Variants in STK31 observed in about 807,000 individuals in gnomAD.
STK31 encodes serine/threonine-protein kinase 31.
STK31 carries 89 observed loss-of-function variants against 129.7 expected under a neutral mutation model. That is an observed-to-expected ratio of 0.69 (90% confidence interval 0.58 to 0.82). STK31 has a LOEUF of 0.82. Among genes scored for constraint, STK31 ranks in the 40% least tolerant of loss-of-function variants. The pLI is 0.00. For synonymous variants in STK31, 448 were observed against 395.3 expected, an observed-to-expected ratio of 1.13 and a Z score of -1.58; for missense variants, 1,187 against 1,176.4, an observed-to-expected ratio of 1.01 and a Z score of -0.13.
upstream of STK31, chr7:23,710,087 G>C (rs772306512): frequency 1.9e-5 from 16 of 853,932 alleles, no homozygotes; most frequent in Non-Finnish European, 2.7e-5. Flanking sequence ...AGTGCCTGGG[G>C]GTCGGCAGCA....
chr7:23,830,045 G>C (rs1208161954), intron 23 of STK31, among the ~76,000 whole-genome samples: 1 of 152,012 alleles, frequency 6.6e-6, no homozygotes, highest in Non-Finnish European at 1.5e-5. Flanking sequence ...CGCCTCCCGG[G>C]TTCATGCCAT....
At chr7:23,805,156 A>G (rs1414113911) in intron 22 of STK31, among the ~76,000 whole-genome samples, 5 of 150,736 alleles carry the variant, frequency 3.3e-5, no homozygotes, top group Non-Finnish European at 5.9e-5. Flanking sequence ...GCTCACTGCA[A>G]CCTCTGCCTC....
At chr7:23,800,896 C>G (rs1792325845) in intron 22 of STK31, among the ~76,000 whole-genome samples, 1 of 151,910 alleles carries the variant, frequency 6.6e-6, no homozygotes, top group Non-Finnish European at 1.5e-5. Flanking sequence ...GTAGTTTTTC[C>G]CTTTTTTGTT....
At chr7:23,802,493 AG>A (rs1212530341) in intron 22 of STK31, among the ~76,000 whole-genome samples, 2 of 152,092 alleles carry the variant, frequency 1.3e-5, no homozygotes, top group Non-Finnish European at 2.9e-5. Context: ...GAGACGTTTG[AG>A]GGGAGCGCCA....
At chr7:23,829,506 A>G (rs971558132) in intron 23 of STK31, among the ~76,000 whole-genome samples, 1 of 152,154 alleles carries the variant, frequency 6.6e-6, no homozygotes, top group African/African-American at 2.4e-5. Context: ...TATGTTTTTG[A>G]TGTGCTGTTG....
At chr7:23,729,281 T>A (rs2128073919) in intron 6 of STK31, 32 bp downstream of exon 6, 1 of 1,551,934 alleles carries the variant, frequency 6.4e-7, no homozygotes, top group East Asian at 2.3e-5. Flanking sequence ...TTTTTGCTAA[T>A]GAAAGTAAAA....
intron 7 of STK31, 29 bp from the exon 8 acceptor site, chr7:23,736,875 T>G (rs1787749379): frequency 1.9e-6 from 3 of 1,571,994 alleles, no homozygotes; most frequent in Non-Finnish European, 2.6e-6. Flanking sequence ...ACAGTTTGTT[T>G]GTCAAAATAA....
chr7:23,773,844 A>G (rs886495066), intron 15 of STK31, among the ~76,000 whole-genome samples: 8 of 151,814 alleles, frequency 5.3e-5, no homozygotes, highest in African/African-American at 1.9e-4. Flanking sequence ...TTTATTACAT[A>G]GGTATACATG....
chr7:23,802,514 A>G (rs1031467731), intron 22 of STK31, among the ~76,000 whole-genome samples: 2 of 152,060 alleles, frequency 1.3e-5, no homozygotes, highest in African/African-American at 4.8e-5. Flanking sequence ...AAGAAGCTTT[A>G]TGGGGCAGTT....
In STK31 at chr7:23,729,181, G is replaced by A. The variant is rs1304187587; in HGVS notation, c.415G>A (p.Val139Ile). The A allele has an allele frequency of 1.2e-6, 2 of 1,611,750 alleles. No homozygotes were observed. The highest frequency in any genetic ancestry group is 2.7e-5 in the African/African-American group (2 of 74,788). The change falls in exon 6 of 24, where the codon GTT becomes ATT. Residue 139 changes from valine (V) to isoleucine (I), a missense_variant. Transcript: ENST00000355870. ...EIPLELQFSSVAKKYKLWGLH... is the reference protein window; with the variant it reads ...EIPLELQFSSIAKKYKLWGLH... Reference sequence around the variant, plus strand: ...TCCTTTGGAGCTGCAGTTTTCTAGTGTTGCCAAAAAGTATAAACTTTGGGG... The same window carrying A: ...TCCTTTGGAGCTGCAGTTTTCTAGTATTGCCAAAAAGTATAAACTTTGGGG...
At chr7:23,808,167 A>ATT (rs113421154) in intron 22 of STK31, among the ~76,000 whole-genome samples, 8,458 of 120,972 alleles carry the variant, frequency 0.07, 378 homozygotes, top group African/African-American at 0.13. Flanking sequence ...ATATATATAT[A>ATT]TATTTTTTGT....
At chr7:23,793,379 GA>G (rs1483810853) in intron 22 of STK31, among the ~76,000 whole-genome samples, 6 of 151,926 alleles carry the variant, frequency 3.9e-5, no homozygotes, top group Admixed American at 3.3e-4. Context: ...AACTCTAAAA[GA>G]AAAAAATCAT....
intron 10 of STK31, among the ~76,000 whole-genome samples, chr7:23,756,532 G>A (rs1584392715): frequency 6.6e-6 from 1 of 152,142 alleles, no homozygotes; most frequent in East Asian, 1.9e-4. Flanking sequence ...CAATACTGTG[G>A]TGAATAGGAG....
intron 22 of STK31, among the ~76,000 whole-genome samples, chr7:23,808,522 T>G (rs922348556): frequency 6.6e-6 from 1 of 152,118 alleles, no homozygotes; most frequent in African/African-American, 2.4e-5. Context: ...TGCTGACTCG[T>G]ACTACTTCAC....
chr7:23,743,016 G>A (rs1430804190), intron 8 of STK31, among the ~76,000 whole-genome samples: 2 of 149,838 alleles, frequency 1.3e-5, no homozygotes, highest in African/African-American at 2.5e-5. Flanking sequence ...GCAATGGCAC[G>A]GTCTTGGCTC....
intron 11 of STK31, among the ~76,000 whole-genome samples, chr7:23,766,244 T>C (rs1789818256): frequency 6.6e-6 from 1 of 152,162 alleles, no homozygotes; most frequent in South Asian, 2.1e-4. Flanking sequence ...TAATAATCTA[T>C]TGTTTCATTT....
intron 23 of STK31, among the ~76,000 whole-genome samples, chr7:23,828,468 C>T (rs917869680): frequency 5.3e-5 from 8 of 152,236 alleles, no homozygotes; most frequent in African/African-American, 1.9e-4. Context: ...GTGGGAGTGA[C>T]CCGATTTTCC....
At position 23,727,360 on chromosome 7, in the gene STK31, T is replaced by C. The variant is rs373282007; in HGVS notation, c.324+45T>C. ...GTTTTTTTTTGCTTTAAGAAATATT[T>C]ATTGTGGTTCAAAAATTTGATGCTT... is the stretch of plus-strand genomic sequence containing the variant. On this transcript the variant is annotated intron_variant, in intron 5 of 23. Coordinates refer to ENST00000355870, the MANE Select transcript of STK31 (RefSeq NM_031414.5). The C allele has an allele frequency of 1.1e-4, 168 of 1,571,150 alleles. No individual in the cohort carries two copies. In the South Asian group the frequency reaches 1.7e-3, roughly 16 times the overall value.
In STK31 at chr7:23,771,018, C is replaced by G; in HGVS notation, c.1727C>G (p.Ala576Gly). The G allele has an allele frequency of 6.2e-7, 1 of 1,609,892 alleles. No individual in the cohort carries two copies. Among genetic ancestry groups the G allele is most frequent in the African/African-American group, 1.3e-5 (1 of 74,736 alleles). ...LEIALVDQGDADKEIISNTYS... is the reference protein window; with the variant it reads ...LEIALVDQGDGDKEIISNTYS... ...GATTTCATTTAGGATCAAGGTGATG[C>G]AGACAAGGAGATAATTTCAAATACA... Residue 576 changes from alanine to glycine, a missense_variant, in exon 14 of 24, where the codon GCA becomes GGA. This residue lies in a region of STK31 where 975 missense variants were observed against 934.9 expected (regional missense o/e 1.04). Transcript: ENST00000355870.
Sources: gnomAD v4.1 joint callset for allele counts (sites outside exome capture counted in the v4.1 genomes callset) on GRCh38, gnomAD v4.1.1 for gene constraint, gnomAD v4.1.1 regional missense constraint, MANE v1.5 for transcripts, NCBI Gene and HGNC (gene_info 2026-07-23, HGNC 2026-07-21) for gene names.